IRF2: variants seen among roughly 807,000 people sequenced by gnomAD.
IRF2 encodes the protein interferon regulatory factor 2.
In IRF2, 15 loss-of-function variants were observed where a neutral mutation model predicts 40.6. That is an observed-to-expected ratio of 0.37 (90% CI 0.25 to 0.57). The LOEUF (loss-of-function observed/expected upper bound fraction) is 0.57. Ranked by LOEUF, IRF2 falls within the 20% of genes least tolerant of loss-of-function variation. IRF2 has a pLI of 0.77. For missense variants in IRF2, 317 were observed against 455.7 expected (o/e 0.70, Z 2.77); for synonymous variants, 151 against 165.5 (o/e 0.91, Z 0.67).
intron 1 of IRF2, among the ~76,000 whole-genome samples, chr4:184,434,331 T>A (rs1296957532): frequency 2.0e-5 from 3 of 152,242 alleles, no homozygotes; most frequent in Non-Finnish European, 4.4e-5. Context: ...GCCCACACTT[T>A]GATCATCTAG....
intron 1 of IRF2, among the ~76,000 whole-genome samples, chr4:184,459,797 T>C (rs1186359362): frequency 6.6e-6 from 1 of 152,098 alleles, no homozygotes; most frequent in African/African-American, 2.4e-5. Flanking sequence ...ATCAAAACCA[T>C]CGTGAGCTAC....
rs1738578189 is a variant in IRF2, at chr4:184,448,024, C to T, written c.-6-18954G>A. Among the ~76,000 whole-genome samples the T allele has an allele frequency of 6.6e-6, 1 of 152,194 alleles. No individual in the cohort carries two copies. The highest frequency in any genetic ancestry group is 2.4e-5 in the African/African-American group (1 of 41,436). On this transcript the variant is annotated intron_variant, in intron 1 of 8. Transcript: ENST00000393593. This position sits in a 1 kb window ranked among gnomAD's most constrained non-coding sequence, Gnocchi z 4.3. ...GAGACTATCTTCGTTACAGCAAAGA[C>T]ACATTCAAGTACTCAGGAGTGATGG... is the stretch of plus-strand genomic sequence containing the variant.
chr4:184,432,487 G>A lies in IRF2; in HGVS notation c.-6-3417C>T, dbSNP rs549139600. Among the ~76,000 whole-genome samples the A allele has an allele frequency of 9.8e-5, 15 of 152,354 alleles. 2 individuals carry two copies. Among genetic ancestry groups the A allele is most frequent in the African/African-American group, 2.9e-4 (12 of 41,578 alleles). ...CCTAAGAACCAGAAGGCTATGATGC[G>A]CCTTACAGGGAAAATACGTATATTA... On this transcript the variant is annotated intron_variant, in intron 1 of 8. Transcript: ENST00000393593.
chr4:184,415,506 G>C (rs1375137507), intron 5 of IRF2, among the ~76,000 whole-genome samples: 1 of 152,206 alleles, frequency 6.6e-6, no homozygotes, highest in Non-Finnish European at 1.5e-5. Flanking sequence ...CCACCACATG[G>C]CATGAACTAC....
intron 7 of IRF2, among the ~76,000 whole-genome samples, chr4:184,395,419 A>AAAAG (rs1319835616): frequency 6.8e-6 from 1 of 146,620 alleles, no homozygotes; most frequent in Non-Finnish European, 1.5e-5. Flanking sequence ...TCTCAAAAAA[A>AAAAG]AAAAAAAAAA....
Position 184,421,348 on chromosome 4 carries a change from G to A in IRF2, c.88-1780C>T, listed in dbSNP as rs180746399. On this transcript the variant is annotated intron_variant, in intron 2 of 8. Coordinates refer to ENST00000393593, the MANE Select transcript of IRF2 (RefSeq NM_002199.4). ...TGAGAGACTTTTTCATAAATTCCTC[G>A]GTGTTCATTCTGTATCATCCACAGA... Among the ~76,000 whole-genome samples the A allele has an allele frequency of 9.2e-5, 14 of 152,192 alleles. No homozygotes were observed. The East Asian group carries it at 9.7e-4, about 11-fold the overall frequency.
At chr4:184,403,826 C>T (rs1736755931) in intron 6 of IRF2, among the ~76,000 whole-genome samples, 1 of 152,092 alleles carries the variant, frequency 6.6e-6, no homozygotes, top group South Asian at 2.1e-4. Flanking sequence ...TATTGTGTGC[C>T]AGGGAAATTC....
chr4:184,425,544 G>A (rs921935479), intron 2 of IRF2, among the ~76,000 whole-genome samples: 16 of 152,368 alleles, frequency 1.1e-4, no homozygotes, highest in Admixed American at 2.0e-4. Context: ...GAGGCGGCAC[G>A]GGCCGGCAGC....
chr4:184,456,969 C>G (rs1249296638), intron 1 of IRF2, among the ~76,000 whole-genome samples: 3 of 152,244 alleles, frequency 2.0e-5, no homozygotes, highest in Admixed American at 6.5e-5. Context: ...TCAATGCCAT[C>G]AAGGCAGCCG....
chr4:184,462,232 C>T (rs1739172756), intron 1 of IRF2, among the ~76,000 whole-genome samples: 1 of 152,208 alleles, frequency 6.6e-6, no homozygotes, highest in Non-Finnish European at 1.5e-5. Flanking sequence ...CAGGAAAGCT[C>T]TGAGCCACTG....
At chr4:184,427,215 C>T (rs1561104847) in intron 2 of IRF2, among the ~76,000 whole-genome samples, 1 of 152,198 alleles carries the variant, frequency 6.6e-6, no homozygotes, top group East Asian at 1.9e-4. Flanking sequence ...ATAGATAGAG[C>T]AACCCTAGAA....
chr4:184,418,359 G>T, intron 4 of IRF2, 146 bp from the exon 5 acceptor site: 3 of 947,000 alleles, frequency 3.2e-6, no homozygotes, highest in Admixed American at 1.9e-5. Flanking sequence ...ATCTTTCACT[G>T]CCTCTGGTGA....
At position 184,431,324 on chromosome 4, in the gene IRF2, G is replaced by A. The variant is rs1262366575; in HGVS notation, c.-6-2254C>T. ...TCATGTATTGAGAATGATGCTCCAG[G>A]AACAGGGAAAGATGACATTCCCTGC... On this transcript the variant is annotated intron_variant, in intron 1 of 8. Transcript: ENST00000393593. Among the ~76,000 whole-genome samples, 3 of 152,300 alleles carry A rather than the reference G, an allele frequency of 2.0e-5. No individual in the cohort carries two copies. The East Asian group carries it at 5.8e-4, about 29-fold the overall frequency.
chr4:184,399,700 C>T (rs1379617662), intron 6 of IRF2, among the ~76,000 whole-genome samples: 1 of 152,222 alleles, frequency 6.6e-6, no homozygotes, highest in Non-Finnish European at 1.5e-5. Flanking sequence ...AGCTCTCTTC[C>T]TGCTCTACAG....
intron 1 of IRF2, among the ~76,000 whole-genome samples, chr4:184,455,033 A>C (rs1738861487): frequency 6.6e-6 from 1 of 151,956 alleles, no homozygotes; most frequent in Non-Finnish European, 1.5e-5. Flanking sequence ...CATATTCTCC[A>C]CCCTGCACAT....
rs752034478 is a variant in IRF2, at chr4:184,390,735, C to T, written c.709G>A (p.Asp237Asn). 6.2e-7 allele frequency: 1 copy of T among 1,614,244 alleles called. No individual in the cohort carries two copies. Residue 237 changes from aspartate to asparagine, a missense_variant, in exon 8 of 9, where the codon GAT becomes AAT. Asp to Asn is a conservative substitution (Grantham distance 23). Transcript: ENST00000393593. ...VSSYAESETT[D>N]SVPSDEESAE... is the part of the protein sequence containing the mutation. ...CTCTCTTCATCGCTGGGCACACTAT[C>T]AGTCGTTTCGCTTTCTGTTCACAGA...
chr4:184,465,312 A>G (rs1234506502), intron 1 of IRF2, among the ~76,000 whole-genome samples: 1 of 152,218 alleles, frequency 6.6e-6, no homozygotes, highest in Admixed American at 6.5e-5. Context: ...GGCCCCGTCC[A>G]TGCACAGCCT....
At chr4:184,397,985 G>A (rs1439454922) in intron 7 of IRF2, among the ~76,000 whole-genome samples, 1 of 152,132 alleles carries the variant, frequency 6.6e-6, no homozygotes, top group African/African-American at 2.4e-5. Flanking sequence ...CTGTCATTAT[G>A]TAGCCAAGTC....
intron 1 of IRF2, among the ~76,000 whole-genome samples, chr4:184,446,861 A>G (rs1415628542): frequency 6.6e-6 from 1 of 152,072 alleles, no homozygotes; most frequent in Non-Finnish European, 1.5e-5. Context: ...AGGCTGAGGC[A>G]GGGAGAATTG....
Sources: gnomAD v4.1 joint callset for allele counts (sites outside exome capture counted in the v4.1 genomes callset) on GRCh38, gnomAD v4.1.1 for gene constraint, Gnocchi (gnomAD v3.1) non-coding constraint, MANE v1.5 for transcripts, NCBI Gene and HGNC (gene_info 2026-07-23, HGNC 2026-07-21) for gene names.